DNM3: variants seen among roughly 807,000 people sequenced by gnomAD.
The protein encoded by DNM3 is dynamin 3.
A neutral mutation model predicts 101.6 loss-of-function variants in DNM3; 47 were observed. The ratio of observed to expected loss-of-function variants is 0.46; its 90% CI spans 0.37 to 0.59. The LOEUF is 0.59. Among genes scored for constraint, DNM3 ranks in the 20% least tolerant of loss-of-function variants. DNM3 has a pLI of 0.00. For missense variants in DNM3, 849 were observed against 1,085.7 expected, an observed-to-expected ratio of 0.78 and a Z score of 3.06; for synonymous variants, 385 against 387.9, an observed-to-expected ratio of 0.99 and a Z score of 0.09.
intron 13 of DNM3, among the ~76,000 whole-genome samples, chr1:172,117,040 T>C (rs2055951166): frequency 2.0e-5 from 3 of 152,000 alleles, no homozygotes; most frequent in Admixed American, 2.0e-4. Flanking sequence ...ACCCTGTCTC[T>C]ACTAAAAATA....
At chr1:172,379,286 T>A in intron 18 of DNM3, 104 bp downstream of exon 18, 1 of 988,694 alleles carries the variant, frequency 1.0e-6, no homozygotes, top group Non-Finnish European at 1.5e-6. Flanking sequence ...ATAGTTCAAA[T>A]AATATTACCC....
At chr1:172,394,660 G>A (rs1469818518) in intron 20 of DNM3, among the ~76,000 whole-genome samples, 1 of 152,184 alleles carries the variant, frequency 6.6e-6, no homozygotes, top group Non-Finnish European at 1.5e-5. Flanking sequence ...AAGCCTTCCT[G>A]AGTTTCAGGG....
chr1:172,386,622 T>A (rs1168835011), intron 18 of DNM3, among the ~76,000 whole-genome samples: 1 of 152,254 alleles, frequency 6.6e-6, no homozygotes, highest in East Asian at 1.9e-4. Context: ...CTGGTGCTAA[T>A]TTCACTTTTG....
At chr1:172,358,857 G>T (rs545513205) in intron 17 of DNM3, among the ~76,000 whole-genome samples, 1 of 150,790 alleles carries the variant, frequency 6.6e-6, no homozygotes, top group East Asian at 2.0e-4. Context: ...CTCCTTTCCG[G>T]GTCTCCCTTC....
intron 14 of DNM3, among the ~76,000 whole-genome samples, chr1:172,187,293 A>G (rs1234898509): frequency 6.6e-6 from 1 of 152,026 alleles, no homozygotes. Context: ...GTTTATTTGT[A>G]AATTAATTTT....
intron 2 of DNM3, among the ~76,000 whole-genome samples, chr1:171,975,159 T>C (rs2044282208): frequency 6.6e-6 from 1 of 152,204 alleles, no homozygotes; most frequent in African/African-American, 2.4e-5. Context: ...ACCTGGCCAT[T>C]GTTTTGCTTT....
intron 13 of DNM3, among the ~76,000 whole-genome samples, chr1:172,120,265 G>T (rs2056224659): frequency 6.6e-6 from 1 of 152,026 alleles, no homozygotes; most frequent in Non-Finnish European, 1.5e-5. Context: ...CATGTGTAGG[G>T]GACCTCCCCT....
At chr1:172,390,268 C>T (rs964186610) in intron 20 of DNM3, among the ~76,000 whole-genome samples, 2 of 152,206 alleles carry the variant, frequency 1.3e-5, no homozygotes, top group Admixed American at 6.5e-5. Flanking sequence ...TTTGTATATA[C>T]ATTTTTGTTT....
chr1:172,405,648 T>C (rs1034674167), intron 20 of DNM3, among the ~76,000 whole-genome samples: 1 of 152,050 alleles, frequency 6.6e-6, no homozygotes, highest in Non-Finnish European at 1.5e-5. Context: ...ATTAATTCCA[T>C]TATCAAAACT....
In DNM3 at chr1:172,164,227, C is replaced by CTTTT. The variant is rs1165249284; in HGVS notation, c.1659+32940_1659+32943dup. Among the ~76,000 whole-genome samples the CTTTT allele has an allele frequency of 7.6e-3, 779 of 102,000 alleles. 18 individuals carry two copies. Among genetic ancestry groups the CTTTT allele is most frequent in the African/African-American group, 0.035 (729 of 20,784 alleles). 66.9% of individuals were successfully genotyped at this position (102,000 alleles called of 152,430 possible). ...TCCTTTTCTCTCTCTATTTTCTTTT[C>CTTTT]TTTTCTTTTTTTTTTTTTTTGAGGC... On this transcript the variant is annotated intron_variant, in intron 14 of 20. Coordinates refer to ENST00000627582, the MANE Select transcript of DNM3 (RefSeq NM_015569.5).
At chr1:171,995,541 G>A (rs1284389735) in intron 4 of DNM3, among the ~76,000 whole-genome samples, 1 of 151,942 alleles carries the variant, frequency 6.6e-6, no homozygotes, top group African/African-American at 2.4e-5. Flanking sequence ...ATGGAGAAGT[G>A]GCCTTTTCAG....
chr1:172,170,073 G>A (rs2058896338), intron 14 of DNM3, among the ~76,000 whole-genome samples: 2 of 151,920 alleles, frequency 1.3e-5, no homozygotes, highest in Admixed American at 1.3e-4. Context: ...CAAAGCACTA[G>A]CTTCTAGATC....
chr1:171,997,852 G>A (rs2046102224), intron 4 of DNM3, among the ~76,000 whole-genome samples: 1 of 152,122 alleles, frequency 6.6e-6, no homozygotes, highest in African/African-American at 2.4e-5. Flanking sequence ...TCTTGTGTGT[G>A]AAGAGTCACA....
intron 11 of DNM3, among the ~76,000 whole-genome samples, chr1:172,069,320 T>G (rs1013686684): frequency 7.2e-5 from 11 of 152,178 alleles, no homozygotes; most frequent in Admixed American, 3.3e-4. Flanking sequence ...CCTAAAACAT[T>G]ATGCAAAATG....
At chr1:172,306,585 A>C (rs1026864788) in intron 15 of DNM3, among the ~76,000 whole-genome samples, 10 of 152,308 alleles carry the variant, frequency 6.6e-5, no homozygotes, top group South Asian at 2.1e-4. Context: ...AATCCTAAGC[A>C]AAAAGAACAA....
At chr1:172,070,398 T>G (rs2052067914) in intron 11 of DNM3, among the ~76,000 whole-genome samples, 1 of 152,216 alleles carries the variant, frequency 6.6e-6, no homozygotes, top group Non-Finnish European at 1.5e-5. Context: ...GTAAATAAGC[T>G]AACTGTTTTA....
At chr1:171,959,717 G>T (rs754026563) in intron 2 of DNM3, among the ~76,000 whole-genome samples, 10 of 152,156 alleles carry the variant, frequency 6.6e-5, no homozygotes, top group Non-Finnish European at 1.3e-4. Flanking sequence ...AGGAGGAAAA[G>T]TGAGTGGCAT....
chr1:172,267,071 G>A (rs921240216), intron 15 of DNM3, among the ~76,000 whole-genome samples: 3 of 152,168 alleles, frequency 2.0e-5, no homozygotes, highest in South Asian at 2.1e-4. Context: ...GAAATGGAGT[G>A]TGTTAAGTGA....
chr1:172,232,634 G>T (rs1435562854), intron 14 of DNM3, among the ~76,000 whole-genome samples: 2 of 152,088 alleles, frequency 1.3e-5, no homozygotes, highest in Non-Finnish European at 2.9e-5. Context: ...CCACATAGTT[G>T]GAAATAAAGC....
Sources: allele counts gnomAD v4.1 joint callset (sites outside exome capture counted in the v4.1 genomes callset), GRCh38; gene constraint gnomAD v4.1.1; transcripts MANE v1.5; gene names NCBI Gene and HGNC (gene_info 2026-07-23, HGNC 2026-07-21).